MBIP: variants seen among roughly 807,000 people sequenced by gnomAD.
MBIP encodes MAP3K12 binding inhibitory protein 1.
In MBIP, 32 loss-of-function variants were observed where a neutral mutation model predicts 45.7. The observed-to-expected ratio is 0.70, with a 90% confidence interval of 0.53 to 0.94. The LOEUF (loss-of-function observed/expected upper bound fraction) is 0.94, where lower values mean the gene tolerates loss of function less well. MBIP is among the 40% of genes least tolerant of loss of function. The pLI is 0.00. For missense variants in MBIP, 381 were observed against 405.5 expected (o/e 0.94, Z 0.52); for synonymous variants, 145 against 141.0 (o/e 1.03, Z -0.20).
At chr14:36,316,626 CAACT>C in intron 2 of MBIP, 63 bp downstream of exon 2, 1 of 1,443,288 alleles carries the variant, frequency 6.9e-7, no homozygotes, top group South Asian at 1.3e-5. Context: ...TCAAATACTC[CAACT>C]AACTTAACCA....
intron 7 of MBIP, chr14:36,305,381 G>C (rs1251232392): frequency 1.3e-5 from 2 of 151,346 alleles, no homozygotes; most frequent in Non-Finnish European, 2.9e-5. Context: ...CTAATTTAAT[G>C]TGTCACTTAC....
intron 7 of MBIP, among the ~76,000 whole-genome samples, chr14:36,301,256 C>A (rs184025605): frequency 6.6e-6 from 1 of 152,274 alleles, no homozygotes; most frequent in East Asian, 1.9e-4. Flanking sequence ...AACACACATA[C>A]ACACACCCTG....
At chr14:36,319,420 T>TTAATAACTC (rs1296904703) in intron 1 of MBIP, among the ~76,000 whole-genome samples, 1 of 152,206 alleles carries the variant, frequency 6.6e-6, no homozygotes, top group African/African-American at 2.4e-5. Flanking sequence ...AATAACTGCG[T>TTAATAACTC]CATTTCATAA....
In MBIP at chr14:36,299,043, G is replaced by A. The variant is rs1879365055; in HGVS notation, c.*40C>T. ...TAATAACAGTGTAAGTTACACATAT[G>A]TATACAAAAAAGTAAAATGACAAGG... On this transcript the variant is annotated 3_prime_UTR_variant, in exon 9 of 9. Coordinates refer to ENST00000416007, the MANE Select transcript of MBIP (RefSeq NM_016586.3). 1.5e-6 allele frequency: 2 copies of A among 1,357,878 alleles called. No individual in the cohort carries two copies. Among genetic ancestry groups the A allele is most frequent in the Non-Finnish European group, 2.1e-6 (2 of 947,086 alleles). 84.1% of individuals were successfully genotyped at this position (1,357,878 alleles called of 1,614,324 possible).
At chr14:36,310,425 T>G (rs1345860090) in intron 6 of MBIP, among the ~76,000 whole-genome samples, 3 of 152,228 alleles carry the variant, frequency 2.0e-5, no homozygotes, top group Non-Finnish European at 4.4e-5. Flanking sequence ...AAATGTCACT[T>G]CATTAGGATG....
intron 7 of MBIP, among the ~76,000 whole-genome samples, chr14:36,306,452 T>C (rs904849315): frequency 3.9e-5 from 6 of 152,120 alleles, no homozygotes; most frequent in African/African-American, 1.4e-4. Context: ...TTTGTATTTT[T>C]AGTAGAGATG....
intron 6 of MBIP, among the ~76,000 whole-genome samples, 181 bp downstream of exon 6, chr14:36,311,392 T>A (rs891342756): frequency 1.3e-5 from 2 of 152,082 alleles, no homozygotes; most frequent in African/African-American, 4.8e-5. Context: ...ACCACCACCA[T>A]CTCAAAAGGG....
chr14:36,319,048 T>C (rs925537213), intron 1 of MBIP, among the ~76,000 whole-genome samples: 3 of 152,130 alleles, frequency 2.0e-5, no homozygotes, highest in African/African-American at 4.8e-5. Flanking sequence ...CATAAGTAAA[T>C]TGTAATCACT....
intron 3 of MBIP, 40 bp downstream of exon 3, chr14:36,314,651 A>T (rs1293709646): frequency 1.2e-6 from 2 of 1,604,994 alleles, no homozygotes; most frequent in Non-Finnish European, 1.7e-6. Flanking sequence ...AAGATTTTTT[A>T]AAATAATACC....
intron 6 of MBIP, among the ~76,000 whole-genome samples, chr14:36,310,010 G>T (rs964619484): frequency 6.6e-6 from 1 of 152,020 alleles, no homozygotes; most frequent in Non-Finnish European, 1.5e-5. Context: ...TTGAAGCTGG[G>T]GACTATGATT....
Position 36,320,561 on chromosome 14 carries a change from G to A in MBIP, c.28C>T (p.Pro10Ser). The change falls in exon 1 of 9, where the codon CCG becomes TCG. Residue 10 changes from proline to serine, a missense_variant. Physicochemically the swap from Pro to Ser is moderately conservative, Grantham distance 74 (BLOSUM62 -1). Transcript: ENST00000416007. ...TCCAGGTTCCTGTCACCGCTGCTCGGGCGATTAAGCTCCGTGGCAGCAGCC... is the reference window on the plus strand; with the variant it reads ...TCCAGGTTCCTGTCACCGCTGCTCGAGCGATTAAGCTCCGTGGCAGCAGCC... MAAATELNR[P>S]SSGDRNLERR... is the part of the protein sequence containing the mutation. 2 of 1,613,280 alleles carry A rather than the reference G, an allele frequency of 1.2e-6. No homozygotes were observed. Among genetic ancestry groups the A allele is most frequent in the Admixed American group, 1.7e-5 (1 of 59,960 alleles).
At position 36,314,499 on chromosome 14, in the gene MBIP, T is replaced by G; in HGVS notation, c.571+13A>C. 6.4e-7 allele frequency: 1 copy of G among 1,553,006 alleles called. No individual in the cohort carries two copies. Among genetic ancestry groups the G allele is most frequent in the Non-Finnish European group, 8.8e-7 (1 of 1,138,818 alleles). On this transcript the variant is annotated intron_variant, in intron 4 of 8. Coordinates refer to ENST00000416007, the MANE Select transcript of MBIP (RefSeq NM_016586.3). ...GCTTAAAACCCTATGAAAATTAATTTCCAGGTAGTTACCTTGATTACAATC... is the reference window on the plus strand; with the variant it reads ...GCTTAAAACCCTATGAAAATTAATTGCCAGGTAGTTACCTTGATTACAATC...
At chr14:36,299,502 T>C (rs955809567) in intron 8 of MBIP, among the ~76,000 whole-genome samples, 1 of 151,414 alleles carries the variant, frequency 6.6e-6, no homozygotes, top group East Asian at 1.9e-4. Context: ...CTGGAGCCTA[T>C]TTGAAGATGG....
intron 6 of MBIP, 104 bp from the exon 7 acceptor site, chr14:36,308,293 A>T: frequency 1.6e-6 from 1 of 623,454 alleles, no homozygotes; most frequent in South Asian, 2.2e-5. Context: ...AAAGGAATGG[A>T]AAATACTTAA....
At chr14:36,313,266 T>C (rs1880324688) in intron 4 of MBIP, 1 of 152,056 alleles carries the variant, frequency 6.6e-6, no homozygotes, top group Admixed American at 6.6e-5. Flanking sequence ...CAGAACTATA[T>C]TCCAAACATA....
chr14:36,320,240 TGGGGAGG>T (rs1880811074), intron 1 of MBIP, among the ~76,000 whole-genome samples: 1 of 147,360 alleles, frequency 6.8e-6, no homozygotes, highest in Non-Finnish European at 1.5e-5. Flanking sequence ...CACCCACTCT[TGGGGAGG>T]ACAGCTGCAA....
At chr14:36,301,620 T>C (rs1413206059) in intron 7 of MBIP, among the ~76,000 whole-genome samples, 1 of 152,270 alleles carries the variant, frequency 6.6e-6, no homozygotes, top group African/African-American at 2.4e-5. Context: ...ACAATTATGA[T>C]TTAGCCACTG....
Position 36,316,633 on chromosome 14 carries a change from C to G in MBIP, c.249+60G>C, listed in dbSNP as rs78800216. On this transcript the variant is annotated intron_variant, in intron 2 of 8. Transcript: ENST00000416007. ...TAGAACTGTCAAATACTCCAACTAA[C>G]TTAACCACAATCAATTTCTATTTTC... 12,070 of 1,505,862 alleles carry G rather than the reference C, an allele frequency of 8.0e-3. 670 individuals are homozygous for G. In the African/African-American group the frequency reaches 0.13, roughly 17 times the overall value. 93.3% of individuals were successfully genotyped at this position (1,505,862 alleles called of 1,614,324 possible).
rs1373380146 is a variant in MBIP at position 36,311,950 on chromosome 14, G to C, written c.637+9C>G. 2.5e-6 allele frequency: 4 copies of C among 1,580,250 alleles called. No homozygotes were observed. Among genetic ancestry groups the C allele is most frequent in the East Asian group, 4.5e-5 (2 of 44,256 alleles). On this transcript the variant is annotated intron_variant, in intron 5 of 8. Coordinates refer to ENST00000416007, the MANE Select transcript of MBIP (RefSeq NM_016586.3). ...TCAGTGACTCAGATGTCATGTGGTG[G>C]TTACTTACCTTTTACGTGACTTTTA... is the stretch of plus-strand genomic sequence containing the variant.
Sources: gnomAD v4.1 joint callset for allele counts (sites outside exome capture counted in the v4.1 genomes callset) on GRCh38, gnomAD v4.1.1 for gene constraint, MANE v1.5 for transcripts, NCBI Gene and HGNC (gene_info 2026-07-23, HGNC 2026-07-21) for gene names.